FAM24B: variants seen among roughly 807,000 people sequenced by gnomAD.
The protein encoded by FAM24B is protein FAM24B.
In FAM24B, 3 loss-of-function variants were observed where a neutral mutation model predicts 2.3. The observed-to-expected ratio is 1.29, with a 90% CI of 0.59 to 3.32. FAM24B has a LOEUF of 3.32. Among genes scored for constraint, FAM24B ranks in the 30% most tolerant of loss-of-function variants. The probability of loss-of-function intolerance (pLI) is 0.03; values close to 1 mark genes in which losing one functional copy is unlikely to be tolerated. For missense variants in FAM24B, 98 were observed against 117.2 expected (o/e 0.84, Z 0.76); for synonymous variants, 36 against 46.3 (o/e 0.78, Z 0.90).
At chr10:122,872,858 G>A (rs1212649286) in intron 1 of FAM24B, among the ~76,000 whole-genome samples, 1 of 152,076 alleles carries the variant, frequency 6.6e-6, no homozygotes, top group African/African-American at 2.4e-5. Flanking sequence ...AATGGGTGCA[G>A]CACACCAACA....
intron 1 of FAM24B, among the ~76,000 whole-genome samples, chr10:122,866,725 T>C (rs1589674240): frequency 1.3e-5 from 2 of 152,264 alleles, no homozygotes; most frequent in East Asian, 3.9e-4. Context: ...AATCAACAAA[T>C]TGTGTTCTGA....
chr10:122,872,803 G>T (rs1236866909), intron 1 of FAM24B, among the ~76,000 whole-genome samples: 1 of 152,066 alleles, frequency 6.6e-6, no homozygotes, highest in African/African-American at 2.4e-5. Context: ...GGAGGAGGGG[G>T]GACGGATAGC....
chr10:122,865,690 G>A (rs1847793488), intron 1 of FAM24B, among the ~76,000 whole-genome samples: 1 of 151,840 alleles, frequency 6.6e-6, no homozygotes, highest in South Asian at 2.1e-4. Context: ...CATAAAATTT[G>A]TATTATTTTT....
intron 1 of FAM24B, among the ~76,000 whole-genome samples, chr10:122,858,105 T>C (rs976074126): frequency 6.6e-6 from 1 of 152,154 alleles, no homozygotes; most frequent in African/African-American, 2.4e-5. Flanking sequence ...CATACACACA[T>C]AGGTTTATTG....
At position 122,849,384 on chromosome 10, in the gene FAM24B, A is replaced by G. The variant is rs368159147; in HGVS notation, c.148T>C (p.Trp50Arg). ...AVKNHNPDKV[W>R]WAKNSQAKTI... Reference sequence around the variant, plus strand: ...TTGGCCTGGCTGTTCTTGGCCCACCACACCTTGTCTGGGTTGTGATTTTTT... The same window carrying G: ...TTGGCCTGGCTGTTCTTGGCCCACCGCACCTTGTCTGGGTTGTGATTTTTT... The change falls in exon 4 of 4, where the codon TGG becomes CGG. Residue 50 changes from tryptophan (W) to arginine (R), a missense_variant. Coordinates refer to ENST00000368898, the MANE Select transcript of FAM24B (RefSeq NM_152644.3). The G allele has an allele frequency of 4.2e-5, 67 of 1,613,464 alleles. No homozygotes were observed. In the South Asian group the frequency reaches 7.3e-4, roughly 17 times the overall value.
intron 2 of FAM24B, among the ~76,000 whole-genome samples, chr10:122,851,014 C>A (rs567034905): frequency 6.6e-6 from 1 of 152,200 alleles, no homozygotes; most frequent in South Asian, 2.1e-4. Context: ...ACTGTCCCAA[C>A]AATACTGAGA....
At chr10:122,849,705 G>A (rs530181627) in intron 3 of FAM24B, among the ~76,000 whole-genome samples, 21 of 152,030 alleles carry the variant, frequency 1.4e-4, no homozygotes, top group Non-Finnish European at 2.4e-4. Flanking sequence ...GCAGGCCCCC[G>A]AGATGCAGGA....
intron 1 of FAM24B, among the ~76,000 whole-genome samples, chr10:122,859,926 A>C (rs1847700596): frequency 6.6e-6 from 1 of 152,132 alleles, no homozygotes; most frequent in Admixed American, 6.5e-5. Context: ...TGTTCAAGAC[A>C]ACTGTCTTGA....
chr10:122,875,541 G>C (rs931051472), intron 1 of FAM24B, among the ~76,000 whole-genome samples: 4 of 152,140 alleles, frequency 2.6e-5, no homozygotes, highest in Admixed American at 2.0e-4. Flanking sequence ...AGGTAATCAG[G>C]CTACTTGATT....
intron 1 of FAM24B, among the ~76,000 whole-genome samples, chr10:122,861,670 T>C (rs917306599): frequency 3.3e-5 from 5 of 152,240 alleles, no homozygotes; most frequent in Admixed American, 2.6e-4. Flanking sequence ...ATTAGATTTA[T>C]ACCTAAATGC....
At chr10:122,859,476 C>A (rs936483841) in intron 1 of FAM24B, among the ~76,000 whole-genome samples, 10 of 152,172 alleles carry the variant, frequency 6.6e-5, no homozygotes, top group African/African-American at 2.4e-4. Context: ...CCTCTCAAAT[C>A]CTTCTTGATC....
rs528994456 is a variant in FAM24B at position 122,854,841 on chromosome 10, G to A, written c.-36+804C>T. On this transcript the variant is annotated intron_variant, in intron 2 of 3. Coordinates refer to ENST00000368898, the MANE Select transcript of FAM24B (RefSeq NM_152644.3). ...ACTTTCACCCAAGTCAGTTATTTGC[G>A]AACTGCCCATCCTGTGACTAACACC... 3.5e-4 allele frequency among the ~76,000 whole-genome samples: 53 copies of A among 152,254 alleles called. 1 individual carries two copies. The highest frequency in any genetic ancestry group is 1.2e-3 in the African/African-American group (50 of 41,534).
intron 1 of FAM24B, among the ~76,000 whole-genome samples, chr10:122,874,891 C>A (rs1399991681): frequency 6.6e-6 from 1 of 152,190 alleles, no homozygotes; most frequent in East Asian, 1.9e-4. Context: ...GACAATTCTT[C>A]TTTTCCCAGG....
chr10:122,874,383 A>G (rs1304934399), intron 1 of FAM24B, among the ~76,000 whole-genome samples: 2 of 152,116 alleles, frequency 1.3e-5, no homozygotes, highest in Admixed American at 6.6e-5. Context: ...CAAGTTCATG[A>G]CCTTGGATCA....
At chr10:122,860,674 C>T (rs1847714560) in intron 1 of FAM24B, among the ~76,000 whole-genome samples, 1 of 152,096 alleles carries the variant, frequency 6.6e-6, no homozygotes, top group South Asian at 2.1e-4. Flanking sequence ...AATTTGTCAG[C>T]ATTTGATAAT....
chr10:122,875,972 G>A (rs970308241), intron 1 of FAM24B, among the ~76,000 whole-genome samples: 1 of 152,160 alleles, frequency 6.6e-6, no homozygotes, highest in Non-Finnish European at 1.5e-5. Flanking sequence ...GTGCTGGCAC[G>A]CCACTGAGCA....
intron 1 of FAM24B, among the ~76,000 whole-genome samples, chr10:122,856,745 T>G (rs1847646078): frequency 6.6e-6 from 1 of 152,048 alleles, no homozygotes; most frequent in African/African-American, 2.4e-5. Context: ...TCCAGCCCCC[T>G]CTCCCCTGGA....
intron 1 of FAM24B, among the ~76,000 whole-genome samples, chr10:122,868,311 T>C (rs1240715757): frequency 6.6e-6 from 1 of 152,124 alleles, no homozygotes; most frequent in Admixed American, 6.6e-5. Context: ...GTCTAATTGG[T>C]GTACCTGAAA....
intron 1 of FAM24B, among the ~76,000 whole-genome samples, chr10:122,868,541 G>A (rs1260163209): frequency 1.3e-5 from 2 of 151,990 alleles, no homozygotes; most frequent in Admixed American, 6.6e-5. Flanking sequence ...GAGAAAGGTC[G>A]GGTTACCCAC....
Sources: gnomAD v4.1 joint callset for allele counts (sites outside exome capture counted in the v4.1 genomes callset) on GRCh38, gnomAD v4.1.1 for gene constraint, MANE v1.5 for transcripts, NCBI Gene and HGNC (gene_info 2026-07-23, HGNC 2026-07-21) for gene names.